CYB5A: variants seen among roughly 807,000 people sequenced by gnomAD.
The protein encoded by CYB5A is cytochrome b5.
In CYB5A, 10 loss-of-function variants were observed where a neutral mutation model predicts 16.2. That is an observed-to-expected ratio of 0.62 (90% CI 0.38 to 1.04). The LOEUF (loss-of-function observed/expected upper bound fraction) is 1.04. Among genes scored for constraint, CYB5A ranks in the 50% least tolerant of loss-of-function variants. The pLI is 0.01. For missense variants in CYB5A, 161 were observed against 165.9 expected, an observed-to-expected ratio of 0.97 and a Z score of 0.16; for synonymous variants, 62 against 57.0, an observed-to-expected ratio of 1.09 and a Z score of -0.40.
At chr18:74,284,844 T>G (rs1485172651) in intron 1 of CYB5A, among the ~76,000 whole-genome samples, 1 of 152,172 alleles carries the variant, frequency 6.6e-6, no homozygotes, top group African/African-American at 2.4e-5. Flanking sequence ...TCTACGGATG[T>G]AAGAAAGTAA....
intron 1 of CYB5A, among the ~76,000 whole-genome samples, chr18:74,272,838 C>T (rs940222373): frequency 8.5e-5 from 13 of 152,108 alleles, no homozygotes; most frequent in African/African-American, 3.1e-4. Flanking sequence ...AGGAGAATTG[C>T]TTGAACCCGG....
intron 1 of CYB5A, among the ~76,000 whole-genome samples, chr18:74,287,000 T>G (rs1983344905): frequency 6.6e-6 from 1 of 152,100 alleles, no homozygotes; most frequent in Non-Finnish European, 1.5e-5. Context: ...CCAAAAAATA[T>G]AGAGATATAT....
At chr18:74,279,934 A>C (rs1010000911) in intron 1 of CYB5A, among the ~76,000 whole-genome samples, 27 of 152,252 alleles carry the variant, frequency 1.8e-4, no homozygotes, top group African/African-American at 6.5e-4. Context: ...AAAGTCCTGC[A>C]TTCACAGAGC....
chr18:74,284,552 G>T (rs574183504), intron 1 of CYB5A, among the ~76,000 whole-genome samples: 2 of 152,142 alleles, frequency 1.3e-5, no homozygotes, highest in South Asian at 4.1e-4. Flanking sequence ...TAATGAATAG[G>T]TCTGCCAAGA....
Position 74,286,923 on chromosome 18 carries a change from T to C in CYB5A, c.129+4824A>G, listed in dbSNP as rs79982789. ...AAAAGTTAATTTGCTGTTTCTTTAC[T>C]GTTTTCTTTACTGTTTCAAAACAAA... On this transcript the variant is annotated intron_variant, in intron 1 of 4. Transcript: ENST00000340533. Among the ~76,000 whole-genome samples the C allele has an allele frequency of 7.4e-4, 113 of 152,380 alleles. 1 individual carries two copies. In the East Asian group the frequency reaches 0.019, roughly 26 times the overall value.
intron 1 of CYB5A, among the ~76,000 whole-genome samples, chr18:74,284,293 C>A (rs1186613583): frequency 6.7e-6 from 1 of 150,206 alleles, no homozygotes; most frequent in Non-Finnish European, 1.5e-5. Context: ...GTTTTATGTG[C>A]AAAAAGCACT....
At chr18:74,276,528 GCACACA>G (rs57747358) in intron 1 of CYB5A, among the ~76,000 whole-genome samples, 2,812 of 145,008 alleles carry the variant, frequency 0.019, 33 homozygotes, top group African/African-American at 0.028. Flanking sequence ...AAAAGATTCA[GCACACA>G]CACACACACA....
chr18:74,283,307 C>T (rs1983188910), intron 1 of CYB5A, among the ~76,000 whole-genome samples: 1 of 152,150 alleles, frequency 6.6e-6, no homozygotes, highest in African/African-American at 2.4e-5. Context: ...CACCAAACAA[C>T]ACATGCCTCC....
chr18:74,277,017 T>G (rs1426574750), intron 1 of CYB5A, among the ~76,000 whole-genome samples: 2 of 152,188 alleles, frequency 1.3e-5, no homozygotes, highest in African/African-American at 4.8e-5. Flanking sequence ...TTCCAAATGC[T>G]TAACATACCA....
intron 1 of CYB5A, among the ~76,000 whole-genome samples, chr18:74,288,981 T>C (rs1983425275): frequency 6.6e-6 from 1 of 152,164 alleles, no homozygotes; most frequent in African/African-American, 2.4e-5. Flanking sequence ...TGGCAGACAG[T>C]GGAGGCAGAA....
intron 1 of CYB5A, among the ~76,000 whole-genome samples, chr18:74,274,561 A>C (rs571609902): frequency 6.6e-6 from 1 of 152,332 alleles, no homozygotes; most frequent in African/African-American, 2.4e-5. Context: ...GCAGTCTATA[A>C]CTGTTACTTA....
rs57747358 is a variant in CYB5A, at chr18:74,276,528, G to GCACACACACACACA, written c.130-13065_130-13052dup. On this transcript the variant is annotated intron_variant, in intron 1 of 4. Coordinates refer to ENST00000340533, the MANE Select transcript of CYB5A (RefSeq NM_148923.4). Reference sequence around the variant, plus strand: ...GGTCTTACGAAGTACAAAAGATTCAGCACACACACACACACACACACACAC... The same window carrying GCACACACACACACA: ...GGTCTTACGAAGTACAAAAGATTCAGCACACACACACACACACACACACACACACACACACACAC... Among the ~76,000 whole-genome samples the GCACACACACACACA allele has an allele frequency of 2.3e-4, 34 of 145,034 alleles. No individual in the cohort carries two copies. The East Asian group carries it at 3.1e-3, about 13-fold the overall frequency.
At chr18:74,280,407 C>CAA (rs149442312) in intron 1 of CYB5A, among the ~76,000 whole-genome samples, 41 of 83,944 alleles carry the variant, frequency 4.9e-4, no homozygotes, top group African/African-American at 9.8e-4. Context: ...CCTGTCTCTA[C>CAA]AAAAAAAAAA....
intron 1 of CYB5A, among the ~76,000 whole-genome samples, chr18:74,284,146 G>A (rs866175615): frequency 2.7e-5 from 4 of 149,272 alleles, no homozygotes; most frequent in South Asian, 2.1e-4. Flanking sequence ...CAAGAGAATC[G>A]CTTGAACTTG....
chr18:74,255,827 T>C (rs944345411), intron 3 of CYB5A, 52 bp from the exon 4 acceptor site: 2 of 1,319,874 alleles, frequency 1.5e-6, no homozygotes, highest in Non-Finnish European at 2.2e-6. Context: ...GCTGAACTTA[T>C]TTCATTGACT....
intron 1 of CYB5A, among the ~76,000 whole-genome samples, chr18:74,277,740 C>T (rs958679917): frequency 1.5e-4 from 23 of 152,306 alleles, no homozygotes; most frequent in African/African-American, 5.5e-4. Flanking sequence ...TCAGCAGGAG[C>T]TCGCCAGGTG....
intron 3 of CYB5A, chr18:74,260,136 T>C (rs981667668): frequency 6.6e-6 from 1 of 152,342 alleles, no homozygotes; most frequent in African/African-American, 2.4e-5. Flanking sequence ...ACAAGCTCAG[T>C]GGGGTCTTGC....
chr18:74,291,889 G>C lies in CYB5A; in HGVS notation c.-14C>G, dbSNP rs1983564148. On this transcript the variant is annotated 5_prime_UTR_variant, in exon 1 of 5. Transcript: ENST00000340533. ...CTGCTCTGCCATCTCGGTTCGCCGC[G>C]AGCCAGGCCCAGCACACACAGCCCC... 1 of 1,610,128 alleles carries C rather than the reference G, an allele frequency of 6.2e-7. No homozygotes were observed. Among genetic ancestry groups the C allele is most frequent in the African/African-American group, 1.3e-5 (1 of 74,874 alleles).
chr18:74,274,054 G>A (rs552935869), intron 1 of CYB5A, among the ~76,000 whole-genome samples: 1 of 152,358 alleles, frequency 6.6e-6, no homozygotes, highest in African/African-American at 2.4e-5. Flanking sequence ...GTAACAGCGA[G>A]AGAGTGCACA....
Sources: allele counts gnomAD v4.1 joint callset (sites outside exome capture counted in the v4.1 genomes callset), GRCh38; gene constraint gnomAD v4.1.1; transcripts MANE v1.5; gene names NCBI Gene and HGNC (gene_info 2026-07-23, HGNC 2026-07-21).